The following FAM227B variants were observed in gnomAD, a reference collection of about 807,000 sequenced individuals.
The protein encoded by FAM227B is family with sequence similarity 227 member B, also known as protein FAM227B.
Under a neutral mutation model 73.8 loss-of-function variants are expected in FAM227B, and 88 were observed. That is an observed-to-expected ratio of 1.19 (90% confidence interval 1.00 to 1.42). The LOEUF (loss-of-function observed/expected upper bound fraction) is 1.42, where lower values mean the gene tolerates loss of function less well. Among genes scored for constraint, FAM227B ranks in the 40% most tolerant of loss-of-function variants. The pLI is 0.00. For synonymous variants in FAM227B, 210 were observed against 190.5 expected (o/e 1.10, Z -0.84); for missense variants, 632 against 590.9 (o/e 1.07, Z -0.72).
chr15:49,336,491 A>G (rs1287813684), intron 13 of FAM227B, among the ~76,000 whole-genome samples: 1 of 152,218 alleles, frequency 6.6e-6, no homozygotes, highest in Non-Finnish European at 1.5e-5. Flanking sequence ...ACTAAGATAT[A>G]GGGGATGAAC....
Position 49,476,232 on chromosome 15 carries a change from G to GTTTTTTTTTTTTTTTTTTTTTTTTTTT in FAM227B, c.1012+31978_1012+31979insAAAAAAAAAAAAAAAAAAAAAAAAAAA. Reference sequence around the variant, plus strand: ...TTGCTGTTTTGTTTTTTTGTTTTTGGTTTTTTTTTTTTTGCATTTGGCATA... The same window carrying GTTTTTTTTTTTTTTTTTTTTTTTTTTT: ...TTGCTGTTTTGTTTTTTTGTTTTTGGTTTTTTTTTTTTTTTTTTTTTTTTTTTTTTTTTTTTTTTTGCATTTGGCATA... On this transcript the variant is annotated intron_variant, in intron 11 of 15. Transcript: ENST00000299338. Among the ~76,000 whole-genome samples, 156 of 57,430 alleles carry GTTTTTTTTTTTTTTTTTTTTTTTTTTT rather than the reference G, an allele frequency of 2.7e-3. 24 individuals carry two copies. The highest frequency in any genetic ancestry group is 4.0e-3 in the Non-Finnish European group (111 of 27,454). 37.7% of individuals were successfully genotyped at this position (57,430 alleles called of 152,430 possible).
intron 11 of FAM227B, among the ~76,000 whole-genome samples, chr15:49,477,271 A>G (rs2151993371): frequency 6.6e-6 from 1 of 152,296 alleles, no homozygotes; most frequent in South Asian, 2.1e-4. Context: ...TCATGTATCC[A>G]CTATTACAGT....
intron 10 of FAM227B, among the ~76,000 whole-genome samples, chr15:49,520,700 C>T (rs1453913858): frequency 6.6e-6 from 1 of 152,118 alleles, no homozygotes; most frequent in Non-Finnish European, 1.5e-5. Flanking sequence ...TATTTACTAT[C>T]ATGAGAACAG....
intron 13 of FAM227B, among the ~76,000 whole-genome samples, chr15:49,359,905 A>C: frequency 6.7e-6 from 1 of 148,614 alleles, no homozygotes; most frequent in Non-Finnish European, 1.5e-5. Context: ...AATACTACGC[A>C]GCCATAAAAA....
chr15:49,519,773 A>G (rs1425910146), intron 10 of FAM227B, among the ~76,000 whole-genome samples: 1 of 152,138 alleles, frequency 6.6e-6, no homozygotes, highest in Non-Finnish European at 1.5e-5. Context: ...CATGCCCTGG[A>G]GATATTTTCC....
chr15:49,470,171 T>C (rs1453639308), intron 11 of FAM227B, among the ~76,000 whole-genome samples: 1 of 152,086 alleles, frequency 6.6e-6, no homozygotes, highest in East Asian at 1.9e-4. Context: ...TTACTGTAGA[T>C]TGTAAATTAA....
chr15:49,479,910 C>T lies in FAM227B; in HGVS notation c.1012+28301G>A, dbSNP rs373065506. On this transcript the variant is annotated intron_variant, in intron 11 of 15. Transcript: ENST00000299338. ...ATTACAGGCGTGAGCCACTGCGCTC[C>T]GCCCATAGTTAACACTTCTATAAAT... 1.4e-4 allele frequency among the ~76,000 whole-genome samples: 22 copies of T among 152,106 alleles called. No individual in the cohort carries two copies. The South Asian group carries it at 2.5e-3, about 17-fold the overall frequency.
intron 9 of FAM227B, among the ~76,000 whole-genome samples, chr15:49,548,373 C>G (rs1018028950): frequency 6.6e-6 from 1 of 152,140 alleles, no homozygotes; most frequent in Non-Finnish European, 1.5e-5. Context: ...ATAAATGCCA[C>G]TTGGTATTGA....
At chr15:49,467,423 C>T (rs2151951380) in intron 11 of FAM227B, among the ~76,000 whole-genome samples, 3 of 152,136 alleles carry the variant, frequency 2.0e-5, no homozygotes, top group South Asian at 4.1e-4. Flanking sequence ...GTTAACTCCT[C>T]CCTGGTACAT....
intron 9 of FAM227B, among the ~76,000 whole-genome samples, chr15:49,545,409 G>A (rs2071692149): frequency 6.6e-6 from 1 of 152,026 alleles, no homozygotes; most frequent in Non-Finnish European, 1.5e-5. Flanking sequence ...TCTTGCTAAT[G>A]GTGTGTCAAA....
intron 12 of FAM227B, among the ~76,000 whole-genome samples, chr15:49,368,657 A>T (rs1222893727): frequency 6.6e-6 from 1 of 152,196 alleles, no homozygotes. Flanking sequence ...AATCTTCAAA[A>T]TGTATGCAAA....
chr15:49,595,228 C>A lies in FAM227B; in HGVS notation c.106-5221G>T, dbSNP rs567839224. On this transcript the variant is annotated intron_variant, in intron 3 of 15. Coordinates refer to ENST00000299338, the MANE Select transcript of FAM227B (RefSeq NM_152647.3). ...ATTAATTGTAAAAGAGGTGGAGTTC[C>A]TGATTTGATTCTCAGCTTGGTTGTT... Among the ~76,000 whole-genome samples, 9 of 151,812 alleles carry A rather than the reference C, an allele frequency of 5.9e-5. No individual in the cohort carries two copies. In the East Asian group the frequency reaches 1.7e-3, roughly 29 times the overall value.
intron 11 of FAM227B, among the ~76,000 whole-genome samples, chr15:49,394,412 T>A (rs1161450055): frequency 6.6e-6 from 1 of 152,098 alleles, no homozygotes; most frequent in Non-Finnish European, 1.5e-5. Flanking sequence ...AGATTGAAGA[T>A]GGGGAGGTAG....
At chr15:49,394,241 G>A (rs1891676838) in intron 11 of FAM227B, among the ~76,000 whole-genome samples, 1 of 152,154 alleles carries the variant, frequency 6.6e-6, no homozygotes, top group Non-Finnish European at 1.5e-5. Context: ...AGATATATTT[G>A]TGAAATGCTA....
chr15:49,404,415 A>G (rs1035363673), intron 11 of FAM227B, among the ~76,000 whole-genome samples: 1 of 152,110 alleles, frequency 6.6e-6, no homozygotes, highest in Non-Finnish European at 1.5e-5. Flanking sequence ...GAAGGTCTCT[A>G]AGAAGTTGCT....
intron 13 of FAM227B, among the ~76,000 whole-genome samples, chr15:49,346,175 T>C (rs951625973): frequency 6.6e-6 from 1 of 152,186 alleles, no homozygotes; most frequent in African/African-American, 2.4e-5. Context: ...CCGTTGTTTT[T>C]CAGAAACTTG....
At chr15:49,509,382 T>C (rs967136586) in intron 10 of FAM227B, among the ~76,000 whole-genome samples, 10 of 152,154 alleles carry the variant, frequency 6.6e-5, no homozygotes, top group African/African-American at 9.7e-5. Flanking sequence ...ACATGGTTAA[T>C]ACTGTCCAGT....
At chr15:49,572,679 A>T (rs2075189897) in intron 8 of FAM227B, among the ~76,000 whole-genome samples, 1 of 152,086 alleles carries the variant, frequency 6.6e-6, no homozygotes, top group Non-Finnish European at 1.5e-5. Flanking sequence ...AGAGCAGGGC[A>T]CTTTCATAGG....
At chr15:49,550,073 C>T (rs1191549970) in intron 9 of FAM227B, among the ~76,000 whole-genome samples, 1 of 128,834 alleles carries the variant, frequency 7.8e-6, no homozygotes, top group South Asian at 2.5e-4. Flanking sequence ...ATCCCCCCAC[C>T]TCCCTCCTGG....
Sources: allele counts gnomAD v4.1 joint callset (sites outside exome capture counted in the v4.1 genomes callset), GRCh38; gene constraint gnomAD v4.1.1; transcripts MANE v1.5; gene names NCBI Gene and HGNC (gene_info 2026-07-23, HGNC 2026-07-21).